The following SUSD6 variants were observed in gnomAD, a reference collection of about 807,000 sequenced individuals.
The protein encoded by SUSD6 is sushi domain containing 6.
In SUSD6, 16 loss-of-function variants were observed where a neutral mutation model predicts 28.4. That is an observed-to-expected ratio of 0.56 (90% CI 0.38 to 0.86). The LOEUF (loss-of-function observed/expected upper bound fraction) is 0.86, where lower values mean the gene tolerates loss of function less well. Ranked by LOEUF, SUSD6 falls within the 40% of genes least tolerant of loss-of-function variation. The pLI is 0.00. For missense variants in SUSD6, 341 were observed against 384.2 expected (o/e 0.89, Z 0.94); for synonymous variants, 147 against 159.6 (o/e 0.92, Z 0.59).
At chr14:69,637,183 C>T (rs1885277156) in intron 1 of SUSD6, among the ~76,000 whole-genome samples, 1 of 152,144 alleles carries the variant, frequency 6.6e-6, no homozygotes, top group African/African-American at 2.4e-5. Flanking sequence ...CCTCTTTCTG[C>T]TCTGTCTGGC....
chr14:69,616,845 A>G (rs1476246742), intron 1 of SUSD6, among the ~76,000 whole-genome samples: 3 of 152,042 alleles, frequency 2.0e-5, no homozygotes, highest in Non-Finnish European at 2.9e-5. Flanking sequence ...CATTTAAAGT[A>G]CAATTCAGTG....
At chr14:69,684,293 C>T (rs530988891) in intron 2 of SUSD6, among the ~76,000 whole-genome samples, 10 of 152,128 alleles carry the variant, frequency 6.6e-5, no homozygotes, top group Non-Finnish European at 1.5e-4. Flanking sequence ...TTCCTTTGTG[C>T]CTTGGACCCC....
intron 2 of SUSD6, among the ~76,000 whole-genome samples, chr14:69,689,614 G>A (rs550033016): frequency 7.9e-5 from 12 of 152,282 alleles, no homozygotes; most frequent in African/African-American, 2.9e-4. Context: ...GAAGGAATTT[G>A]TTAGGAAAGT....
chr14:69,635,664 T>A (rs1296383189), intron 1 of SUSD6, among the ~76,000 whole-genome samples: 1 of 147,924 alleles, frequency 6.8e-6, no homozygotes, highest in African/African-American at 2.5e-5. Context: ...CACCCAGAGG[T>A]TCCTTGTGGC....
intron 2 of SUSD6, among the ~76,000 whole-genome samples, chr14:69,679,878 G>A (rs554558037): frequency 3.3e-5 from 5 of 152,032 alleles, no homozygotes; most frequent in African/African-American, 9.7e-5. Context: ...TATGGGTGGC[G>A]TCTGCCAATT....
At position 69,712,434 on chromosome 14, in the gene SUSD6, G is replaced by A. The variant is rs1458500805; in HGVS notation, c.*1455G>A. 1 of 152,294 alleles carries A rather than the reference G, an allele frequency of 6.6e-6. No individual in the cohort carries two copies. The highest frequency in any genetic ancestry group is 1.5e-5 in the Non-Finnish European group (1 of 68,076). 9.4% of individuals were successfully genotyped at this position (152,294 alleles called of 1,614,324 possible). ...TCTGCCAACTGCTGTCATCTTAGAA[G>A]ATAGATGCAGCAGTAAGGAATGTTT... On this transcript the variant is annotated 3_prime_UTR_variant, in exon 6 of 6. Coordinates refer to ENST00000342745, the MANE Select transcript of SUSD6 (RefSeq NM_014734.4).
intron 2 of SUSD6, among the ~76,000 whole-genome samples, chr14:69,668,777 G>A (rs1885784125): frequency 6.6e-5 from 10 of 151,976 alleles, no homozygotes. Context: ...TGGCTTGGGC[G>A]ATCCCCTTGA....
At position 69,703,467 on chromosome 14, in the gene SUSD6, C is replaced by A; in HGVS notation, c.194C>A (p.Thr65Lys). The stretch of plus-strand genomic sequence containing the variant: ...CCCCGGCCCTGCAGAGACCCCCTGA[C>A]AGCAGGCAGTGTCATCGAATACCTG... Reference protein sequence around the residue: ...CHPRPCRDPLTAGSVIEYLCA... With the variant: ...CHPRPCRDPLKAGSVIEYLCA... Residue 65 changes from threonine to lysine, a missense_variant, in exon 3 of 6, where the codon ACA becomes AAA. Physicochemically the swap from Thr to Lys is moderately conservative, Grantham distance 78. Coordinates refer to ENST00000342745, the MANE Select transcript of SUSD6 (RefSeq NM_014734.4). The A allele has an allele frequency of 6.2e-7, 1 of 1,614,186 alleles. No homozygotes were observed. The highest frequency in any genetic ancestry group is 8.5e-7 in the Non-Finnish European group (1 of 1,180,012).
chr14:69,645,815 T>C (rs1885417829), intron 1 of SUSD6, among the ~76,000 whole-genome samples: 1 of 151,928 alleles, frequency 6.6e-6, no homozygotes. Context: ...AATGGCGCGA[T>C]CTCAGCTCAC....
chr14:69,657,510 C>T (rs1885600807), intron 1 of SUSD6, among the ~76,000 whole-genome samples: 1 of 151,512 alleles, frequency 6.6e-6, no homozygotes, highest in South Asian at 2.1e-4. Context: ...CCAGGGGCAT[C>T]CTTTATTAGG....
chr14:69,611,985 C>T (rs1388534279), intron 1 of SUSD6, among the ~76,000 whole-genome samples, 157 bp downstream of exon 1: 2 of 149,290 alleles, frequency 1.3e-5, no homozygotes, highest in African/African-American at 4.9e-5. Flanking sequence ...TTCTCTGCGC[C>T]GGCCCGCTGT....
At chr14:69,665,257 C>G (rs74353234) in intron 2 of SUSD6, among the ~76,000 whole-genome samples, 9,522 of 151,616 alleles carry the variant, frequency 0.063, 335 homozygotes, top group East Asian at 0.15. Context: ...CTTTTTTTTT[C>G]TGAGACAGGG....
Position 69,711,140 on chromosome 14 carries a change from G to C in SUSD6, c.*161G>C. ...GAGGGCCCTATAGGCCCACCTTGCT[G>C]GAAACTCAAGGAAGATTCTCGCCAT... On this transcript the variant is annotated 3_prime_UTR_variant, in exon 6 of 6. Coordinates refer to ENST00000342745, the MANE Select transcript of SUSD6 (RefSeq NM_014734.4). 1.5e-6 allele frequency: 1 copy of C among 651,298 alleles called. No individual in the cohort carries two copies. Among genetic ancestry groups the C allele is most frequent in the Non-Finnish European group, 2.7e-6 (1 of 371,816 alleles). 40.3% of individuals were successfully genotyped at this position (651,298 alleles called of 1,614,324 possible).
chr14:69,697,989 A>G (rs373444787), intron 2 of SUSD6, among the ~76,000 whole-genome samples: 1 of 152,236 alleles, frequency 6.6e-6, no homozygotes, highest in Admixed American at 6.5e-5. Context: ...CACACAAGAA[A>G]TAATTTAGGG....
chr14:69,626,851 TAAAAAAA>T (rs577855990), intron 1 of SUSD6, among the ~76,000 whole-genome samples: 5 of 144,940 alleles, frequency 3.4e-5, no homozygotes, highest in Admixed American at 6.9e-5. Context: ...CCTGGCTAAT[TAAAAAAA>T]AAAACGTGTT....
intron 1 of SUSD6, among the ~76,000 whole-genome samples, chr14:69,636,117 A>G (rs1885261999): frequency 6.6e-6 from 1 of 152,252 alleles, no homozygotes; most frequent in Admixed American, 6.5e-5. Flanking sequence ...TAGCAGTTGA[A>G]TAACTGTGCC....
At chr14:69,623,819 AG>A (rs1885076144) in intron 1 of SUSD6, among the ~76,000 whole-genome samples, 1 of 152,244 alleles carries the variant, frequency 6.6e-6, no homozygotes, top group Admixed American at 6.5e-5. Flanking sequence ...CTTATAGATA[AG>A]GATATAAAGA....
intron 1 of SUSD6, chr14:69,615,813 GA>G: frequency 6.6e-6 from 1 of 152,312 alleles, no homozygotes; most frequent in Non-Finnish European, 1.5e-5. Flanking sequence ...CTCAAAAAAG[GA>G]AAATAGCCAC....
intron 2 of SUSD6, among the ~76,000 whole-genome samples, chr14:69,696,963 T>A (rs1886233710): frequency 6.6e-6 from 1 of 152,214 alleles, no homozygotes; most frequent in Non-Finnish European, 1.5e-5. Context: ...CAGAGCAGTG[T>A]GGCATGGGCT....
Sources: allele counts gnomAD v4.1 joint callset (sites outside exome capture counted in the v4.1 genomes callset), GRCh38; gene constraint gnomAD v4.1.1; transcripts MANE v1.5; gene names NCBI Gene and HGNC (gene_info 2026-07-23, HGNC 2026-07-21).